Variants in GALNT16 observed in about 807,000 individuals in gnomAD.
GALNT16 encodes polypeptide N-acetylgalactosaminyltransferase 16.
In GALNT16, 40 loss-of-function variants were observed where a neutral mutation model predicts 76.1. The observed-to-expected ratio is 0.53, with a 90% CI of 0.41 to 0.68. The LOEUF (loss-of-function observed/expected upper bound fraction) is 0.68. Ranked by LOEUF, GALNT16 falls within the 30% of genes least tolerant of loss-of-function variation. The pLI is 0.00. For synonymous variants in GALNT16, 276 were observed against 285.2 expected (o/e 0.97, Z 0.32); for missense variants, 621 against 731.9 (o/e 0.85, Z 1.75).
At chr14:69,302,928 G>T (rs1413303164) in intron 1 of GALNT16, among the ~76,000 whole-genome samples, 2 of 152,054 alleles carry the variant, frequency 1.3e-5, no homozygotes, top group Non-Finnish European at 1.5e-5. Flanking sequence ...ATTTAACTGG[G>T]TATCCTGTAT....
At chr14:69,307,687 G>T (rs1237503930) in intron 1 of GALNT16, among the ~76,000 whole-genome samples, 1 of 152,158 alleles carries the variant, frequency 6.6e-6, no homozygotes, top group Non-Finnish European at 1.5e-5. Flanking sequence ...AGCTCTCCTT[G>T]CCCTGCCTGC....
Position 69,341,679 on chromosome 14 carries a change from A to G in GALNT16, c.1188-2A>G. 8 of 1,607,674 alleles carry G rather than the reference A, an allele frequency of 5.0e-6. No homozygotes were observed. The highest frequency in any genetic ancestry group is 6.8e-6 in the Non-Finnish European group (8 of 1,175,620). On this transcript the variant is annotated splice_acceptor_variant, in intron 11 of 14. Transcript: ENST00000448469. LOFTEE classifies it high-confidence loss of function. ...AAGCCCAAGCCCTGCCTCCTCCTACAGTGTGGCTACGCGGATAGAGCAGAG... is the reference window on the plus strand; with the variant it reads ...AAGCCCAAGCCCTGCCTCCTCCTACGGTGTGGCTACGCGGATAGAGCAGAG...
At chr14:69,364,568 C>T in the GALNT16 span, among the ~76,000 whole-genome samples, 1 of 151,982 alleles carries the variant, frequency 6.6e-6, no homozygotes, top group Non-Finnish European at 1.5e-5. This position sits in a 1 kb window ranked among gnomAD's most constrained non-coding sequence, Gnocchi z 4.2. Context: ...CTCTGTGGTC[C>T]AACAGTCGTC....
chr14:69,300,684 C>T (rs531610413), intron 1 of GALNT16, among the ~76,000 whole-genome samples: 3 of 152,176 alleles, frequency 2.0e-5, no homozygotes, highest in Non-Finnish European at 4.4e-5. Flanking sequence ...CCTAGCAGTC[C>T]CCTGTGCAAT....
Position 69,260,398 on chromosome 14 carries a change from C to T in GALNT16, c.108C>T (p.Gly36=), listed in dbSNP as rs1276828623. Residue 36 remains glycine (G), a synonymous_variant, in exon 1 of 15, where the codon GGC becomes GGT. Transcript: ENST00000448469. ...QDNRAHAASS[G]GRGAQRAGRR... ...ACCGAGCCCACGCAGCATCCTCCGG[C>T]GGCCGGGGCGCGCAGAGGGCAGGCA... 1 of 1,605,820 alleles carries T rather than the reference C, an allele frequency of 6.2e-7. No individual in the cohort carries two copies. Among genetic ancestry groups the T allele is most frequent in the South Asian group, 1.1e-5 (1 of 89,892 alleles).
At chr14:69,272,947 G>A (rs2044424231) in intron 1 of GALNT16, among the ~76,000 whole-genome samples, 1 of 152,192 alleles carries the variant, frequency 6.6e-6, no homozygotes, top group Admixed American at 6.5e-5. Context: ...GCACAGTGAT[G>A]AACTTGCCTA....
chr14:69,367,264 A>G, the GALNT16 span, among the ~76,000 whole-genome samples: 1 of 151,964 alleles, frequency 6.6e-6, no homozygotes, highest in African/African-American at 2.4e-5. Context: ...TTTGTGCTCC[A>G]CCCCCGCAAA....
intron 2 of GALNT16, 24 bp from the exon 3 acceptor site, chr14:69,324,668 C>T: frequency 6.9e-7 from 1 of 1,455,564 alleles, no homozygotes; most frequent in Non-Finnish European, 9.6e-7. Context: ...ATGGCTGGCT[C>T]TGACCTCTGT....
At chr14:69,350,488 G>A (rs1428798691) in intron 14 of GALNT16, 1 of 152,298 alleles carries the variant, frequency 6.6e-6, no homozygotes, top group Admixed American at 6.5e-5. Context: ...AGAAGAGCAT[G>A]AAGAAACAGG....
At position 69,341,729 on chromosome 14, in the gene GALNT16, C is replaced by T; in HGVS notation, c.1236C>T (p.Phe412=). 2.5e-6 allele frequency: 4 copies of T among 1,613,090 alleles called. No homozygotes were observed. In the South Asian group the frequency reaches 4.4e-5, roughly 18 times the overall value. The change falls in exon 12 of 15, where the codon TTC becomes TTT. Residue 412 remains phenylalanine, a synonymous_variant. Coordinates refer to ENST00000448469, the MANE Select transcript of GALNT16 (RefSeq NM_001168368.2). ...GGAAGAAGATGAACTGCAAGTCCTT[C>T]CGCTGGTACCTGGAGAACGTCTACC... ...EQRKKMNCKS[F]RWYLENVYPE... is the part of the protein sequence containing the mutation.
chr14:69,273,867 A>G (rs561868370), intron 1 of GALNT16, among the ~76,000 whole-genome samples: 47 of 152,320 alleles, frequency 3.1e-4, no homozygotes, highest in African/African-American at 1.1e-3. Flanking sequence ...GTCTGGAAGA[A>G]ATGGGAGGGG....
intron 1 of GALNT16, among the ~76,000 whole-genome samples, chr14:69,309,714 C>T (rs777906034): frequency 1.2e-4 from 18 of 152,146 alleles, no homozygotes; most frequent in Non-Finnish European, 2.1e-4. Context: ...TTGTGTATTA[C>T]AGAAGTTAGT....
the GALNT16 span, among the ~76,000 whole-genome samples, chr14:69,381,921 C>A: frequency 1.2e-4 from 19 of 152,156 alleles, no homozygotes; most frequent in Admixed American, 1.2e-3. Context: ...AACTCCTGAC[C>A]CTCAAGTGAT....
At chr14:69,301,728 A>G (rs1231312425) in intron 1 of GALNT16, among the ~76,000 whole-genome samples, 1 of 152,016 alleles carries the variant, frequency 6.6e-6, no homozygotes, top group Non-Finnish European at 1.5e-5. Flanking sequence ...GTGGCTCACT[A>G]CTGTAATCCC....
Position 69,333,241 on chromosome 14 carries a change from C to A in GALNT16, c.863+72C>A. The stretch of plus-strand genomic sequence containing the variant: ...AGGGGCCTGGGAGGCTCTTGGGAGG[C>A]TGTATCGGTCGCTTGGGCTCCTGAG... On this transcript the variant is annotated intron_variant, in intron 8 of 14. Transcript: ENST00000448469. The surrounding 1 kb of genome is among the most constrained non-coding windows in gnomAD (Gnocchi z 4.2). The A allele has an allele frequency of 9.4e-7, 1 of 1,068,300 alleles. No homozygotes were observed. The highest frequency in any genetic ancestry group is 1.4e-6 in the Non-Finnish European group (1 of 722,482). The allele number at this position is 1,068,300 out of a possible 1,614,324, so 66.2% of individuals were successfully genotyped here.
intron 1 of GALNT16, among the ~76,000 whole-genome samples, chr14:69,284,733 A>G (rs938625475): frequency 6.6e-6 from 1 of 152,092 alleles, no homozygotes; most frequent in African/African-American, 2.4e-5. Context: ...TCCCCACCCA[A>G]ATCTCATCTT....
At position 69,320,809 on chromosome 14, in the gene GALNT16, C is replaced by T. The variant is rs1307498772; in HGVS notation, c.276C>T (p.Asn92=). The T allele has an allele frequency of 1.2e-6, 2 of 1,614,212 alleles. No individual in the cohort carries two copies. Among genetic ancestry groups the T allele is most frequent in the South Asian group, 2.2e-5 (2 of 91,078 alleles). Residue 92 remains asparagine (N), a synonymous_variant, in exon 2 of 15, where the codon AAC becomes AAT. Transcript: ENST00000448469. ...GEDPYRQHAF[N]QLESDKLSPD... ...ACCCCTACAGACAGCACGCCTTCAA[C>T]CAGCTGGAGAGTGACAAGCTGAGCC...
At chr14:69,316,038 A>G (rs1396883617) in intron 1 of GALNT16, among the ~76,000 whole-genome samples, 1 of 152,202 alleles carries the variant, frequency 6.6e-6, no homozygotes, top group Non-Finnish European at 1.5e-5. Context: ...TCCTGAACCA[A>G]TCACTGTGTC....
At chr14:69,281,146 A>G (rs542797094) in intron 1 of GALNT16, among the ~76,000 whole-genome samples, 7 of 152,216 alleles carry the variant, frequency 4.6e-5, no homozygotes, top group Non-Finnish European at 8.8e-5. Context: ...TGACCTCCAC[A>G]GTGCCTGGTC....
Sources: allele counts gnomAD v4.1 joint callset (sites outside exome capture counted in the v4.1 genomes callset), GRCh38; gene constraint gnomAD v4.1.1; non-coding constraint Gnocchi (gnomAD v3.1); transcripts MANE v1.5; gene names NCBI Gene and HGNC (gene_info 2026-07-23, HGNC 2026-07-21).